The following DDX27 variants were observed in gnomAD, a reference collection of about 807,000 sequenced individuals.
DDX27 encodes probable ATP-dependent RNA helicase DDX27.
DDX27 carries 42 observed loss-of-function variants against 99.3 expected under a neutral mutation model. That is an observed-to-expected ratio of 0.42 (90% CI 0.33 to 0.55). The LOEUF (loss-of-function observed/expected upper bound fraction) is 0.55, where lower values mean the gene tolerates loss of function less well. Among genes scored for constraint, DDX27 ranks in the 20% least tolerant of loss-of-function variants. The pLI, the probability that DDX27 is intolerant of heterozygous loss-of-function variation, is 0.07. For missense variants in DDX27, 798 were observed against 976.8 expected, an observed-to-expected ratio of 0.82 and a Z score of 2.44; for synonymous variants, 329 against 353.8, an observed-to-expected ratio of 0.93 and a Z score of 0.79.
At chr20:49,240,413 C>T (rs1980439491) in intron 16 of DDX27, among the ~76,000 whole-genome samples, 1 of 152,066 alleles carries the variant, frequency 6.6e-6, no homozygotes, top group Admixed American at 6.6e-5. Flanking sequence ...TTTATATAGG[C>T]CCACATATGC....
At chr20:49,234,791 C>T in intron 11 of DDX27, 144 bp from the exon 12 acceptor site, 3 of 955,042 alleles carry the variant, frequency 3.1e-6, no homozygotes, top group Non-Finnish European at 4.4e-6. Flanking sequence ...CTGTATCCAC[C>T]CTGGAATTTG....
chr20:49,230,465 C>A, intron 9 of DDX27, 116 bp downstream of exon 9: 2 of 1,239,522 alleles, frequency 1.6e-6, no homozygotes, highest in African/African-American at 1.5e-5. Flanking sequence ...TGTTGGTGTG[C>A]GATACCAGAT....
At chr20:49,243,385 CTA>C (rs1980545385) in intron 19 of DDX27, among the ~76,000 whole-genome samples, 1 of 152,188 alleles carries the variant, frequency 6.6e-6, no homozygotes, top group African/African-American at 2.4e-5. Context: ...CAGGGGCAGA[CTA>C]AGCTTCCCAA....
intron 7 of DDX27, among the ~76,000 whole-genome samples, chr20:49,227,451 C>G (rs1388271110): frequency 1.3e-5 from 2 of 152,132 alleles, no homozygotes; most frequent in Non-Finnish European, 2.9e-5. Context: ...ACTGCAACCT[C>G]TGCCTCCTGT....
intron 14 of DDX27, 113 bp from the exon 15 acceptor site, chr20:49,238,836 C>G (rs1980385936): frequency 6.7e-6 from 4 of 594,252 alleles, no homozygotes; most frequent in Middle Eastern, 4.5e-4. Flanking sequence ...CCTCAAATTC[C>G]TGGGCTCAAG....
intron 1 of DDX27, among the ~76,000 whole-genome samples, chr20:49,220,055 T>C (rs2146702019): frequency 6.6e-6 from 1 of 152,204 alleles, no homozygotes. Flanking sequence ...GAGGTATTGG[T>C]GTTCTGAAAA....
In DDX27 at chr20:49,239,079, G is replaced by A. The variant is rs745499389; in HGVS notation, c.1794+24G>A. 1.9e-5 allele frequency: 31 copies of A among 1,596,442 alleles called. 1 individual carries two copies. In the South Asian group the frequency reaches 3.0e-4, roughly 15 times the overall value. On this transcript the variant is annotated intron_variant, in intron 15 of 20. Coordinates refer to ENST00000618172, the MANE Select transcript of DDX27 (RefSeq NM_017895.8). ...AGGTGAGGCTGCGAGGCGGGATCTT[G>A]TTCACAAGGCTGCTCAGTAAGCAAG...
chr20:49,230,251 C>T lies in DDX27; in HGVS notation c.933C>T (p.Ile311=), dbSNP rs1980056219. Residue 311 remains isoleucine (I), a synonymous_variant, in exon 9 of 21, where the codon ATC becomes ATT. Coordinates refer to ENST00000618172, the MANE Select transcript of DDX27 (RefSeq NM_017895.8). ...CAGCTCTTCGGGCAGCGCCTGACAT[C>T]CTCATCGCCACCCCAGGCCGGCTCA... The part of the protein sequence containing the change: ...QEAALRAAPD[I]LIATPGRLID... 6.2e-7 allele frequency: 1 copy of T among 1,613,286 alleles called. No individual in the cohort carries two copies. The highest frequency in any genetic ancestry group is 1.3e-5 in the African/African-American group (1 of 74,928).
rs1600968527 is a variant in DDX27, at chr20:49,228,874, C to T, written c.866C>T (p.Thr289Ile). The T allele has an allele frequency of 6.3e-7, 1 of 1,596,142 alleles. No individual in the cohort carries two copies. Among genetic ancestry groups the T allele is most frequent in the Non-Finnish European group, 8.6e-7 (1 of 1,167,306 alleles). ...CTGGCCCAGTTCTGCAACATCACCA[C>T]CTGCCTGGCTGTGGGTGAGTTTCTG... is the stretch of plus-strand genomic sequence containing the variant. Reference protein sequence around the residue: ...RQLAQFCNITTCLAVGGLDVK... With the variant: ...RQLAQFCNITICLAVGGLDVK... Residue 289 changes from threonine to isoleucine, a missense_variant, in exon 8 of 21, where the codon ACC becomes ATC. Thr to Ile is a moderately conservative substitution (Grantham distance 89, BLOSUM62 -1). Around this residue, in one of 2 missense-constraint regions of DDX27, gnomAD observed 553 missense variants for 727.9 expected, o/e 0.76. Coordinates refer to ENST00000618172, the MANE Select transcript of DDX27 (RefSeq NM_017895.8).
intron 14 of DDX27, chr20:49,238,654 G>T: frequency 2.8e-6 from 1 of 359,844 alleles, no homozygotes. Context: ...TTTTAATAGA[G>T]ACGGGGTTTC....
chr20:49,222,348 C>T (rs1408884644), intron 2 of DDX27, among the ~76,000 whole-genome samples: 1 of 150,778 alleles, frequency 6.6e-6, no homozygotes, highest in African/African-American at 2.4e-5. Flanking sequence ...CTCACTCTAT[C>T]ACCCAGGCCG....
chr20:49,240,274 TAA>T (rs1315298531), intron 16 of DDX27, among the ~76,000 whole-genome samples: 10 of 152,310 alleles, frequency 6.6e-5, no homozygotes, highest in Middle Eastern at 3.4e-3. Flanking sequence ...AAAATAATTT[TAA>T]AAAAGTTAGG....
In DDX27 at chr20:49,225,007, C is replaced by T. The variant is rs1312562420; in HGVS notation, c.513+16C>T. On this transcript the variant is annotated intron_variant, in intron 5 of 20. Coordinates refer to ENST00000618172, the MANE Select transcript of DDX27 (RefSeq NM_017895.8). The stretch of plus-strand genomic sequence containing the variant: ...GAAAGGACAGGTGAGCTTGGGGCTG[C>T]AAGACAGTATGCAGCTTGTTGGCAA... The T allele has an allele frequency of 3.1e-6, 5 of 1,614,008 alleles. No homozygotes were observed. The Admixed American group carries it at 8.3e-5, about 27-fold the overall frequency.
chr20:49,219,631 C>T (rs1330877950), intron 1 of DDX27, 90 bp downstream of exon 1: 2 of 1,344,150 alleles, frequency 1.5e-6, no homozygotes, highest in South Asian at 3.0e-5. Context: ...CTCATCATCC[C>T]CTGCCAGCCC....
chr20:49,226,596 G>C (rs1979897075), intron 7 of DDX27, 61 bp downstream of exon 7: 1 of 1,204,782 alleles, frequency 8.3e-7, no homozygotes. Flanking sequence ...TGGGCTCTAG[G>C]TTGACTTACC....
At position 49,236,431 on chromosome 20, in the gene DDX27, G is replaced by A. The variant is rs1299308607; in HGVS notation, c.1608G>A (p.Val536=). ...AGRAGRSVSL[V]GEDERKMLKE... ...GGGCTGGGCGCTCAGTCTCTCTGGT[G>A]GGAGAAGATGAGCGGAAGATGCTGA... The change falls in exon 14 of 21, where the codon GTG becomes GTA. Residue 536 remains valine (V), a synonymous_variant. Transcript: ENST00000618172. This position sits in a 1 kb window ranked among gnomAD's most constrained non-coding sequence, Gnocchi z 4.1. 1 of 1,613,306 alleles carries A rather than the reference G, an allele frequency of 6.2e-7. No homozygotes were observed.
In DDX27 at chr20:49,226,447, C is replaced by T. The variant is rs746344129; in HGVS notation, c.618C>T (p.Gly206=). 6 of 1,613,958 alleles carry T rather than the reference C, an allele frequency of 3.7e-6. No homozygotes were observed. In the East Asian group the frequency reaches 1.1e-4, roughly 30 times the overall value. ...TTCCTCAGGCCATTACAGCCATGGG[C>T]TTCAAGCAGCCCACCCCGATCCAGA... ...RPLLKAITAM[G]FKQPTPIQKA... The change falls in exon 7 of 21, where the codon GGC becomes GGT. Residue 206 remains glycine (G), a synonymous_variant. Coordinates refer to ENST00000618172, the MANE Select transcript of DDX27 (RefSeq NM_017895.8).
rs749920380 is a variant in DDX27 at position 49,227,827 on chromosome 20, C to T, written c.707-888C>T. 2.2e-4 allele frequency among the ~76,000 whole-genome samples: 33 copies of T among 147,456 alleles called. 1 individual carries two copies. The highest frequency in any genetic ancestry group is 4.9e-4 in the Admixed American group (7 of 14,296). ...CCATGGCCTCCTGGCCCTGCCATAT[C>T]AGAGGAGGAAATTTTTTTTTTTTTT... On this transcript the variant is annotated intron_variant, in intron 7 of 20. Transcript: ENST00000618172.
chr20:49,230,450 A>G, intron 9 of DDX27, 101 bp downstream of exon 9: 2 of 1,405,674 alleles, frequency 1.4e-6, no homozygotes, highest in Non-Finnish European at 1.9e-6. Flanking sequence ...GCTCTGGGCC[A>G]TGGCTGTTGG....
Sources: allele counts gnomAD v4.1 joint callset (sites outside exome capture counted in the v4.1 genomes callset), GRCh38; gene constraint gnomAD v4.1.1; regional missense constraint gnomAD v4.1.1; non-coding constraint Gnocchi (gnomAD v3.1); transcripts MANE v1.5; gene names NCBI Gene and HGNC (gene_info 2026-07-23, HGNC 2026-07-21).